The following MYO3A variants were observed in gnomAD, a reference collection of about 807,000 sequenced individuals.
MYO3A encodes myosin IIIA.
A neutral mutation model predicts 192.7 loss-of-function variants in MYO3A; 180 were observed. The ratio of observed to expected loss-of-function variants is 0.93; its 90% CI spans 0.83 to 1.06. MYO3A has a LOEUF of 1.06. MYO3A is among the 50% of genes least tolerant of loss of function. The pLI, the probability that MYO3A is intolerant of heterozygous loss-of-function variation, is 0.00. For synonymous variants in MYO3A, 628 were observed against 645.3 expected (o/e 0.97, Z 0.41); for missense variants, 1,896 against 1,905.0 (o/e 1.00, Z 0.09).
At chr10:26,062,938 G>A (rs12774203) in intron 10 of MYO3A, among the ~76,000 whole-genome samples, 21,157 of 152,146 alleles carry the variant, frequency 0.14, 1,764 homozygotes, top group East Asian at 0.35. Flanking sequence ...AAAAGGGAAG[G>A]AACTTGAGTG....
intron 17 of MYO3A, among the ~76,000 whole-genome samples, chr10:26,101,719 T>C (rs1394029948): frequency 2.0e-5 from 3 of 152,224 alleles, no homozygotes; most frequent in African/African-American, 7.2e-5. Context: ...ATTTTGAATA[T>C]TGGCCCCCAC....
chr10:26,049,509 T>C (rs890486846), intron 10 of MYO3A, among the ~76,000 whole-genome samples: 1 of 152,046 alleles, frequency 6.6e-6, no homozygotes, highest in African/African-American at 2.4e-5. Flanking sequence ...AGGAGGTTGA[T>C]GATACATATG....
intron 2 of MYO3A, among the ~76,000 whole-genome samples, chr10:25,940,191 T>A (rs555935427): frequency 6.6e-6 from 1 of 152,200 alleles, no homozygotes; most frequent in South Asian, 2.1e-4. Context: ...TGGTATATTA[T>A]AATGATTTCC....
intron 4 of MYO3A, among the ~76,000 whole-genome samples, chr10:25,962,936 C>T (rs1408010898): frequency 2.0e-5 from 3 of 152,164 alleles, no homozygotes; most frequent in Admixed American, 2.0e-4. Context: ...GGGCTTCTCT[C>T]TCAGGAGCTG....
intron 17 of MYO3A, among the ~76,000 whole-genome samples, chr10:26,104,306 A>T (rs1302127625): frequency 6.6e-6 from 1 of 152,134 alleles, no homozygotes; most frequent in African/African-American, 2.4e-5. Context: ...CTTTCTTCTT[A>T]TAGTTGTATA....
intron 17 of MYO3A, among the ~76,000 whole-genome samples, chr10:26,106,254 T>G (rs1837795333): frequency 6.6e-6 from 1 of 152,104 alleles, no homozygotes; most frequent in South Asian, 2.1e-4. Context: ...CATCCCAAAT[T>G]ATGAAGCGAC....
rs1461348645 is a variant in MYO3A, at chr10:26,070,226, T to C, written c.1275+11T>C. ...TATAATTCAGATCAGGTAAGAAGAG[T>C]CTCCCATTCTTAGAAATTTACCTCT... On this transcript the variant is annotated intron_variant, in intron 13 of 34. Coordinates refer to ENST00000642920, the MANE Select transcript of MYO3A (RefSeq NM_017433.5). 6.3e-7 allele frequency: 1 copy of C among 1,598,256 alleles called. No individual in the cohort carries two copies. The highest frequency in any genetic ancestry group is 1.7e-5 in the Admixed American group (1 of 59,878).
At chr10:26,104,179 A>G (rs958297585) in intron 17 of MYO3A, among the ~76,000 whole-genome samples, 4 of 151,586 alleles carry the variant, frequency 2.6e-5, no homozygotes, top group Admixed American at 6.6e-5. Flanking sequence ...TTTGAAGCAC[A>G]GAAGTTTTTA....
chr10:26,069,421 C>G (rs76036882), intron 12 of MYO3A, among the ~76,000 whole-genome samples: 9,261 of 152,024 alleles, frequency 0.061, 370 homozygotes, highest in Non-Finnish European at 0.088. Context: ...ATATAGAATA[C>G]TATTCTGGAA....
rs777942223 is a variant in MYO3A at position 26,128,427 on chromosome 10, T to C, written c.2151T>C (p.Asp717=). The C allele has an allele frequency of 7.4e-6, 12 of 1,613,128 alleles. No individual in the cohort carries two copies. The Admixed American group carries it at 1.3e-4, about 18-fold the overall frequency. Reference sequence around the variant, plus strand: ...ATGAGCTGAGCATTGGCATTCTTGATATATTTGGCTTTGAAAATTTCAAAA... The same window carrying C: ...ATGAGCTGAGCATTGGCATTCTTGACATATTTGGCTTTGAAAATTTCAAAA... ...NGDELSIGIL[D]IFGFENFKKN... The change falls in exon 20 of 35, where the codon GAT becomes GAC. Residue 717 remains aspartate (D), a synonymous_variant. Transcript: ENST00000642920.
intron 18 of MYO3A, among the ~76,000 whole-genome samples, chr10:26,124,988 C>A (rs749898372): frequency 6.6e-6 from 1 of 152,154 alleles, no homozygotes; most frequent in Non-Finnish European, 1.5e-5. Flanking sequence ...GTCTAAGTAA[C>A]CTGTTCCAGT....
intron 6 of MYO3A, among the ~76,000 whole-genome samples, chr10:26,000,124 G>A (rs947835705): frequency 6.6e-6 from 1 of 152,140 alleles, no homozygotes; most frequent in Non-Finnish European, 1.5e-5. Context: ...CTTGGGGAAG[G>A]CTTTTCCTTA....
intron 14 of MYO3A, among the ~76,000 whole-genome samples, chr10:26,081,136 C>CCT (rs955966797): frequency 9.4e-6 from 1 of 106,634 alleles, no homozygotes; most frequent in African/African-American, 3.1e-5. Context: ...ATGCCCTTCC[C>CCT]CCCCCCCCCG....
chr10:26,172,142 G>A (rs1225480633), intron 29 of MYO3A, among the ~76,000 whole-genome samples: 1 of 152,210 alleles, frequency 6.6e-6, no homozygotes, highest in Non-Finnish European at 1.5e-5. Flanking sequence ...AGTTAGGGAA[G>A]GGAGAAGCAG....
intron 14 of MYO3A, among the ~76,000 whole-genome samples, chr10:26,071,289 GGT>G (rs1473288080): frequency 6.6e-6 from 1 of 152,030 alleles, no homozygotes; most frequent in East Asian, 1.9e-4. Flanking sequence ...AATTAAGAAA[GGT>G]GGTCTTTTCA....
chr10:25,997,338 T>G, intron 6 of MYO3A, 80 bp downstream of exon 6: 30 of 1,011,824 alleles, frequency 3.0e-5, no homozygotes, highest in East Asian at 4.9e-5. Context: ...CGAATGGCCT[T>G]CCTTTCTAGG....
intron 6 of MYO3A, among the ~76,000 whole-genome samples, chr10:26,015,288 C>T (rs1564461446): frequency 2.0e-5 from 3 of 152,114 alleles, no homozygotes. Context: ...CACCCATCAG[C>T]AGCTTCTCTC....
At chr10:26,057,269 T>C (rs1181972423) in intron 10 of MYO3A, among the ~76,000 whole-genome samples, 2 of 152,160 alleles carry the variant, frequency 1.3e-5, no homozygotes, top group African/African-American at 4.8e-5. Context: ...CTTAGGATGG[T>C]AGACTTGATC....
chr10:26,092,712 T>TG (rs987308418), intron 15 of MYO3A, among the ~76,000 whole-genome samples: 2 of 152,062 alleles, frequency 1.3e-5, no homozygotes, highest in Non-Finnish European at 2.9e-5. Context: ...TCTGAAGAAG[T>TG]GTTAGAAGAT....
Sources: gnomAD v4.1 joint callset for allele counts (sites outside exome capture counted in the v4.1 genomes callset) on GRCh38, gnomAD v4.1.1 for gene constraint, MANE v1.5 for transcripts, NCBI Gene and HGNC (gene_info 2026-07-23, HGNC 2026-07-21) for gene names.